The following TPTE2 variants were observed in gnomAD, a reference collection of about 807,000 sequenced individuals.
TPTE2 encodes the protein transmembrane phosphoinositide 3-phosphatase and tensin homolog 2.
A neutral mutation model predicts 78.6 loss-of-function variants in TPTE2; 53 were observed. That is an observed-to-expected ratio of 0.67 (90% confidence interval 0.54 to 0.85). The LOEUF (loss-of-function observed/expected upper bound fraction) is 0.85. Ranked by LOEUF, TPTE2 falls within the 40% of genes least tolerant of loss-of-function variation. The probability of loss-of-function intolerance (pLI) is 0.00; values close to 1 mark genes in which losing one functional copy is unlikely to be tolerated. For synonymous variants in TPTE2, 175 were observed against 206.2 expected (o/e 0.85, Z 1.30); for missense variants, 461 against 623.0 (o/e 0.74, Z 2.77).
chr13:19,432,839 G>C (rs1041522692), intron 15 of TPTE2, among the ~76,000 whole-genome samples: 15 of 151,954 alleles, frequency 9.9e-5, no homozygotes, highest in South Asian at 4.2e-4. Context: ...TTATGGTTGA[G>C]AGGGCAACTA....
chr13:19,510,326 T>G (rs1427282454), intron 1 of TPTE2, among the ~76,000 whole-genome samples: 1 of 152,156 alleles, frequency 6.6e-6, no homozygotes, highest in Admixed American at 6.5e-5. Flanking sequence ...AGAAGCCTGA[T>G]GCCAACATCT....
intron 4 of TPTE2, among the ~76,000 whole-genome samples, chr13:19,479,015 G>T (rs1880150938): frequency 6.6e-6 from 1 of 152,022 alleles, no homozygotes; most frequent in South Asian, 2.1e-4. Context: ...GTCATGGGGT[G>T]GGGGGATTGG....
At chr13:19,445,296 A>T (rs947380075) in intron 13 of TPTE2, among the ~76,000 whole-genome samples, 4 of 152,174 alleles carry the variant, frequency 2.6e-5, no homozygotes, top group Non-Finnish European at 5.9e-5. Flanking sequence ...TTAAGAAAAT[A>T]AAAAAGTTAC....
chr13:19,494,951 ATGAGGTTTC>A (rs1881217756), intron 1 of TPTE2, among the ~76,000 whole-genome samples: 1 of 152,196 alleles, frequency 6.6e-6, no homozygotes, highest in African/African-American at 2.4e-5. Context: ...TTTATTAGAA[ATGAGGTTTC>A]CTATGCCAAC....
intron 1 of TPTE2, among the ~76,000 whole-genome samples, chr13:19,533,597 C>T (rs9508351): frequency 0.77 from 117,270 of 152,052 alleles, 46,829 homozygotes; most frequent in East Asian, 0.96. Flanking sequence ...GAGACGGATA[C>T]TATTTTTGAA....
At chr13:19,524,777 T>C (rs917954586) in intron 1 of TPTE2, among the ~76,000 whole-genome samples, 1 of 152,046 alleles carries the variant, frequency 6.6e-6, no homozygotes, top group African/African-American at 2.4e-5. Flanking sequence ...GGACAATAAA[T>C]AATAAACCAG....
chr13:19,472,658 C>T (rs1036655462), intron 6 of TPTE2, among the ~76,000 whole-genome samples: 4 of 152,142 alleles, frequency 2.6e-5, no homozygotes, highest in African/African-American at 9.7e-5. Flanking sequence ...ACAGGATTGG[C>T]TCCTGGTGTC....
chr13:19,433,401 G>A (rs1566037488), intron 15 of TPTE2, among the ~76,000 whole-genome samples: 1 of 152,192 alleles, frequency 6.6e-6, no homozygotes, highest in Non-Finnish European at 1.5e-5. Context: ...CACTCGGGAG[G>A]CTGAGGCAGG....
chr13:19,454,749 C>A (rs1166652318), intron 10 of TPTE2, among the ~76,000 whole-genome samples: 4 of 152,126 alleles, frequency 2.6e-5, no homozygotes, highest in African/African-American at 9.7e-5. Context: ...ATAGTAATGT[C>A]TTTGTCTTGA....
chr13:19,504,370 T>C (rs1045023963), upstream of TPTE2, among the ~76,000 whole-genome samples: 1 of 152,136 alleles, frequency 6.6e-6, no homozygotes, highest in Non-Finnish European at 1.5e-5. Context: ...GTGTCTTCTC[T>C]GCTCTCACAC....
intron 11 of TPTE2, 85 bp from the exon 15 acceptor site, chr13:19,450,429 T>C (rs1290918179): frequency 1.1e-5 from 13 of 1,231,990 alleles, no homozygotes; most frequent in Non-Finnish European, 1.4e-5. Flanking sequence ...CATATCTTAT[T>C]AGAATTCCTT....
chr13:19,436,484 C>T (rs975448286), intron 14 of TPTE2, among the ~76,000 whole-genome samples, 178 bp from the exon 18 acceptor site: 1 of 152,192 alleles, frequency 6.6e-6, no homozygotes, highest in African/African-American at 2.4e-5. Flanking sequence ...AGGATCTAAG[C>T]TCACTGCAAC....
intron 1 of TPTE2, among the ~76,000 whole-genome samples, chr13:19,533,661 C>T (rs1444096106): frequency 2.6e-5 from 4 of 152,134 alleles, no homozygotes; most frequent in African/African-American, 9.7e-5. Context: ...CTTACAAATC[C>T]TGTGAGATGG....
intron 13 of TPTE2, among the ~76,000 whole-genome samples, chr13:19,440,274 C>T (rs1458056103): frequency 2.0e-5 from 3 of 152,152 alleles, no homozygotes; most frequent in African/African-American, 7.2e-5. Context: ...AAAAAGTTCA[C>T]CATCAAGTAA....
intron 18 of TPTE2, 23 bp from the exon 22 acceptor site, chr13:19,425,040 AGTAAAACTGACACCAGGAAC>A: frequency 1.6e-6 from 2 of 1,260,082 alleles, no homozygotes; most frequent in Admixed American, 2.3e-5. Flanking sequence ...AAAATTTCAA[AGTAAAACTGACACCAGGAAC>A]TAATCATTCC....
intron 4 of TPTE2, among the ~76,000 whole-genome samples, chr13:19,476,915 T>C (rs1391170410): frequency 6.6e-6 from 1 of 152,188 alleles, no homozygotes; most frequent in African/African-American, 2.4e-5. Flanking sequence ...TGCATATGAA[T>C]GTTCACTGCA....
chr13:19,439,465 A>C (rs1877349106), intron 13 of TPTE2, among the ~76,000 whole-genome samples: 2 of 152,072 alleles, frequency 1.3e-5, no homozygotes, highest in South Asian at 4.2e-4. Context: ...AAAAAGAAAA[A>C]TCCTACCCAA....
chr13:19,529,555 T>C (rs1049925450), intron 1 of TPTE2, among the ~76,000 whole-genome samples: 9 of 152,216 alleles, frequency 5.9e-5, no homozygotes, highest in Admixed American at 5.2e-4. Flanking sequence ...AACTTCATTT[T>C]AGGACAACAT....
chr13:19,447,940 A>G (rs1315484754), intron 13 of TPTE2, among the ~76,000 whole-genome samples: 1 of 152,162 alleles, frequency 6.6e-6, no homozygotes, highest in Non-Finnish European at 1.5e-5. Context: ...AGGTTCTCAC[A>G]AAGTTTAAGA....
Sources: allele counts gnomAD v4.1 joint callset (sites outside exome capture counted in the v4.1 genomes callset), GRCh38; gene constraint gnomAD v4.1.1; transcripts MANE v1.5; gene names NCBI Gene and HGNC (gene_info 2026-07-23, HGNC 2026-07-21).